TANGO2: variants seen among roughly 807,000 people sequenced by gnomAD.
TANGO2 encodes transport and Golgi organization protein 2 homolog.
A neutral mutation model predicts 39.1 loss-of-function variants in TANGO2; 26 were observed. That is an observed-to-expected ratio of 0.67 (90% CI 0.49 to 0.92). TANGO2 has a LOEUF of 0.92. Ranked by LOEUF, TANGO2 falls within the 40% of genes least tolerant of loss-of-function variation. The probability of loss-of-function intolerance (pLI) is 0.00; values close to 1 mark genes in which losing one functional copy is unlikely to be tolerated. For missense variants in TANGO2, 326 were observed against 360.1 expected, an observed-to-expected ratio of 0.91 and a Z score of 0.77; for synonymous variants, 131 against 144.5, an observed-to-expected ratio of 0.91 and a Z score of 0.67.
chr22:20,033,235 G>A (rs561167126), intron 1 of TANGO2: 12 of 528,222 alleles, frequency 2.3e-5, no homozygotes, highest in Middle Eastern at 6.4e-4. Context: ...CCGCGTCTTC[G>A]TCGAGGCCAC....
chr22:20,062,170 C>G (rs1450563603), intron 7 of TANGO2, among the ~76,000 whole-genome samples: 3 of 152,194 alleles, frequency 2.0e-5, no homozygotes, highest in Non-Finnish European at 4.4e-5. Flanking sequence ...GTTCCGGGAA[C>G]TGCCTGGGTG....
At chr22:20,039,774 G>T (rs1162510090) in intron 2 of TANGO2, among the ~76,000 whole-genome samples, 3 of 151,930 alleles carry the variant, frequency 2.0e-5, no homozygotes, top group African/African-American at 4.8e-5. Flanking sequence ...TTGATCACTG[G>T]ATCTCAGGCC....
chr22:20,037,117 G>T, intron 2 of TANGO2: 2 of 1,510,700 alleles, frequency 1.3e-6, no homozygotes, highest in Non-Finnish European at 1.8e-6. Context: ...AGTGACATGG[G>T]TCCAGGTGGG....
chr22:20,047,931 T>G (rs1424815262), intron 3 of TANGO2: 5 of 151,708 alleles, frequency 3.3e-5, no homozygotes, highest in African/African-American at 9.7e-5. Flanking sequence ...GTGTTTTGTT[T>G]TTTTTTTTTT....
intron 2 of TANGO2, among the ~76,000 whole-genome samples, chr22:20,040,485 G>A (rs1297704605): frequency 6.6e-6 from 1 of 152,184 alleles, no homozygotes; most frequent in Non-Finnish European, 1.5e-5. Context: ...GCTGTGGGAC[G>A]TGGAAGCAGA....
rs1467898912 is a variant in TANGO2 at position 20,065,358 on chromosome 22, T to C, written c.*696T>C. 3 of 151,940 alleles carry C rather than the reference T, an allele frequency of 2.0e-5. No individual in the cohort carries two copies. The highest frequency in any genetic ancestry group is 4.4e-5 in the Non-Finnish European group (3 of 67,994). The allele number at this position is 151,940 out of a possible 1,614,324, so 9.4% of individuals were successfully genotyped here. On this transcript the variant is annotated 3_prime_UTR_variant, in exon 9 of 9. Transcript: ENST00000327374. ...AACCCACTCTCTCTTTTTTTTTTTT[T>C]TGAGACGGAGTCTTGCTCTGTCACC...
At chr22:20,052,656 C>T in intron 4 of TANGO2, 72 bp downstream of exon 4, 1 of 1,517,160 alleles carries the variant, frequency 6.6e-7, no homozygotes, top group Non-Finnish European at 8.9e-7. Context: ...CAAGGTGGGG[C>T]CAAGGGACTA....
At chr22:20,038,898 A>G (rs932181959) in intron 2 of TANGO2, among the ~76,000 whole-genome samples, 24 of 149,168 alleles carry the variant, frequency 1.6e-4, no homozygotes, top group Non-Finnish European at 3.6e-4. Flanking sequence ...GGACTGGAGT[A>G]AAAAGTAGGG....
chr22:20,049,791 CG>C, intron 3 of TANGO2, among the ~76,000 whole-genome samples: 1 of 152,046 alleles, frequency 6.6e-6, no homozygotes, highest in Admixed American at 6.5e-5. Context: ...TGCTATAAAA[CG>C]AAAAGCCCCC....
Position 20,036,853 on chromosome 22 carries a change from A to G in TANGO2, c.55A>G (p.Arg19Gly). The G allele has an allele frequency of 6.2e-7, 1 of 1,614,188 alleles. No individual in the cohort carries two copies. The highest frequency in any genetic ancestry group is 8.5e-7 in the Non-Finnish European group (1 of 1,180,036). ...TCGCCCTGTTTCCAAAAACGCGTAC[A>G]GGTAACCCCCTCGCTCTGCATCTGC... Reference protein sequence around the residue: ...DPRPVSKNAYRLILAANRDEF... With the variant: ...DPRPVSKNAYGLILAANRDEF... The change falls in exon 2 of 9, where the codon AGG becomes GGG. Residue 19 changes from arginine (R) to glycine (G), a missense_variant and splice_region_variant. Physicochemically the swap from Arg to Gly is moderately radical, Grantham distance 125. Coordinates refer to ENST00000327374, the MANE Select transcript of TANGO2 (RefSeq NM_152906.7).
At chr22:20,064,049 G>T (rs1282155488) in intron 8 of TANGO2, among the ~76,000 whole-genome samples, 1 of 152,220 alleles carries the variant, frequency 6.6e-6, no homozygotes. Flanking sequence ...TTGGAGGAGA[G>T]GAGAGTGTGC....
In TANGO2 at chr22:20,030,793, A is replaced by G. The variant is rs185946572; in HGVS notation, c.-39-5967A>G. ...AGTTGCTGTAAAATTTTTTAAAAGG[A>G]TGTCACTTATACTACCCAGTCATTA... On this transcript the variant is annotated intron_variant, in intron 1 of 8. Transcript: ENST00000327374. 2.6e-3 allele frequency among the ~76,000 whole-genome samples: 402 copies of G among 152,300 alleles called. 3 individuals carry two copies. The highest frequency in any genetic ancestry group is 9.2e-3 in the African/African-American group (382 of 41,566).
intron 1 of TANGO2, among the ~76,000 whole-genome samples, chr22:20,025,430 C>T (rs966437951): frequency 3.3e-5 from 5 of 151,906 alleles, no homozygotes; most frequent in African/African-American, 4.8e-5. Context: ...TACTGTTCCC[C>T]GCCGGGAAGC....
chr22:20,063,181 G>A (rs1454353746), intron 7 of TANGO2, 157 bp from the exon 8 acceptor site: 6 of 597,678 alleles, frequency 1.0e-5, no homozygotes, highest in Non-Finnish European at 1.8e-5. Context: ...AGAGAAAAGA[G>A]AAGAGAAGAG....
At chr22:20,055,903 C>T (rs201895310) in intron 5 of TANGO2, 40 bp from the exon 6 acceptor site, 5 of 1,565,136 alleles carry the variant, frequency 3.2e-6, no homozygotes, top group African/African-American at 1.4e-5. Context: ...GGAGGACGCC[C>T]TATGGCTGTA....
At chr22:20,038,406 G>C (rs1237938920) in intron 2 of TANGO2, among the ~76,000 whole-genome samples, 1 of 152,196 alleles carries the variant, frequency 6.6e-6, no homozygotes, top group African/African-American at 2.4e-5. Context: ...CCTGCAGGCT[G>C]CTGAAGAGAC....
intron 2 of TANGO2, among the ~76,000 whole-genome samples, chr22:20,039,369 C>T (rs969754740): frequency 6.6e-6 from 1 of 151,594 alleles, no homozygotes; most frequent in Non-Finnish European, 1.5e-5. Context: ...TGGCTCACGC[C>T]TGTAATCCCA....
chr22:20,018,897 T>C (rs1398826056), upstream of TANGO2, among the ~76,000 whole-genome samples: 3 of 151,868 alleles, frequency 2.0e-5, no homozygotes, highest in Non-Finnish European at 4.4e-5. Flanking sequence ...CTGGCCAACA[T>C]AGCAAAACCC....
intron 1 of TANGO2, among the ~76,000 whole-genome samples, chr22:20,022,525 G>A (rs2039917253): frequency 6.6e-6 from 1 of 152,238 alleles, no homozygotes; most frequent in Non-Finnish European, 1.5e-5. Flanking sequence ...TGTGATGTGT[G>A]GTGGCCATAG....
Sources: allele counts gnomAD v4.1 joint callset (sites outside exome capture counted in the v4.1 genomes callset), GRCh38; gene constraint gnomAD v4.1.1; transcripts MANE v1.5; gene names NCBI Gene and HGNC (gene_info 2026-07-23, HGNC 2026-07-21).